The following CRYL1 variants were observed in gnomAD, a reference collection of about 807,000 sequenced individuals.
CRYL1 encodes lambda-crystallin homolog.
CRYL1 carries 29 observed loss-of-function variants against 36.6 expected under a neutral mutation model. The ratio of observed to expected loss-of-function variants is 0.79; its 90% CI spans 0.59 to 1.08. The LOEUF (loss-of-function observed/expected upper bound fraction) is 1.08. Ranked by LOEUF, CRYL1 falls within the 50% of genes least tolerant of loss-of-function variation. The pLI is 0.00. For synonymous variants in CRYL1, 152 were observed against 151.5 expected (o/e 1.00, Z -0.02); for missense variants, 411 against 407.9 (o/e 1.01, Z -0.06).
intron 3 of CRYL1, among the ~76,000 whole-genome samples, chr13:20,463,806 C>T (rs935981649): frequency 1.3e-5 from 2 of 152,152 alleles, no homozygotes; most frequent in African/African-American, 4.8e-5. Context: ...TAAAATGACA[C>T]ATTTTGGACA....
chr13:20,439,621 TGGAC>T lies in CRYL1; in HGVS notation c.406_409del (p.Val136MetfsTer2), dbSNP rs2032310848. The stretch of plus-strand genomic sequence containing the variant: ...ATGAGCCACGATGCATTGCTTCACA[TGGAC>T]CAAGCCAGCAAACAACTTGGAAGGC... On this transcript the variant is annotated frameshift_variant, in exon 4 of 8. Coordinates refer to ENST00000298248, the MANE Select transcript of CRYL1 (RefSeq NM_015974.3). LOFTEE classifies it high-confidence loss of function. 1 of 1,612,310 alleles carries T rather than the reference TGGAC, an allele frequency of 6.2e-7. No individual in the cohort carries two copies. The highest frequency in any genetic ancestry group is 1.3e-5 in the African/African-American group (1 of 74,432).
intron 3 of CRYL1, among the ~76,000 whole-genome samples, chr13:20,486,475 A>C (rs1402371391): frequency 6.7e-6 from 1 of 148,494 alleles, no homozygotes; most frequent in Non-Finnish European, 1.5e-5. Flanking sequence ...CCCACCCCAA[A>C]ATCCACTTGT....
chr13:20,407,800 T>C (rs1309357635), intron 6 of CRYL1, among the ~76,000 whole-genome samples: 1 of 152,256 alleles, frequency 6.6e-6, no homozygotes, highest in African/African-American at 2.4e-5. Context: ...CTTAACTTGC[T>C]GCTTTCTAAC....
At chr13:20,484,176 T>C (rs1211356236) in intron 3 of CRYL1, among the ~76,000 whole-genome samples, 1 of 152,092 alleles carries the variant, frequency 6.6e-6, no homozygotes, top group African/African-American at 2.4e-5. Flanking sequence ...CCTAGATTGA[T>C]TTTTCTACAC....
chr13:20,522,945 TCTCA>T (rs1468658250), intron 1 of CRYL1, among the ~76,000 whole-genome samples: 1 of 114,362 alleles, frequency 8.7e-6, no homozygotes, highest in Non-Finnish European at 1.7e-5. Flanking sequence ...TGAGATGGAG[TCTCA>T]CTCTATCCCC....
chr13:20,470,910 C>CAAAA (rs11353451), intron 3 of CRYL1, among the ~76,000 whole-genome samples: 6 of 40,878 alleles, frequency 1.5e-4, no homozygotes, highest in African/African-American at 4.4e-4. Context: ...AACTCCATCT[C>CAAAA]AAAAAAAAAA....
chr13:20,479,049 T>G (rs916522774), intron 3 of CRYL1, among the ~76,000 whole-genome samples: 2 of 152,060 alleles, frequency 1.3e-5, no homozygotes, highest in Non-Finnish European at 2.9e-5. Flanking sequence ...CCTTTACACC[T>G]GTAAAGGATT....
At chr13:20,507,527 G>C (rs1038155195) in intron 2 of CRYL1, among the ~76,000 whole-genome samples, 13 of 152,198 alleles carry the variant, frequency 8.5e-5, no homozygotes, top group South Asian at 2.1e-4. Flanking sequence ...TTCCCTTGGA[G>C]GTACTCTCCT....
chr13:20,410,084 G>A (rs534596946), intron 6 of CRYL1, among the ~76,000 whole-genome samples: 13 of 152,010 alleles, frequency 8.6e-5, no homozygotes, highest in African/African-American at 2.7e-4. Context: ...ACATGCACAC[G>A]TATGTTTATA....
At chr13:20,448,727 A>G (rs2032505515) in intron 3 of CRYL1, among the ~76,000 whole-genome samples, 1 of 152,232 alleles carries the variant, frequency 6.6e-6, no homozygotes, top group African/African-American at 2.4e-5. Context: ...GTCTTTCACA[A>G]ATGGAGCAGA....
At chr13:20,463,162 T>C (rs2032866309) in intron 3 of CRYL1, among the ~76,000 whole-genome samples, 1 of 152,164 alleles carries the variant, frequency 6.6e-6, no homozygotes, top group Admixed American at 6.5e-5. Context: ...GTGTCGCACC[T>C]ACCAGGCAAC....
intron 2 of CRYL1, among the ~76,000 whole-genome samples, chr13:20,492,815 A>G (rs965049583): frequency 3.3e-5 from 5 of 152,122 alleles, no homozygotes; most frequent in Admixed American, 3.3e-4. Context: ...ATGATATGCA[A>G]TTTGCTCCTG....
intron 5 of CRYL1, chr13:20,430,896 A>C: frequency 1.0e-6 from 1 of 985,386 alleles, no homozygotes; most frequent in Non-Finnish European, 1.2e-6. Context: ...TTCTTTAAAA[A>C]TACCTTGACA....
rs2031633819 is a variant in CRYL1 at position 20,415,366 on chromosome 13, A to AC, written c.634-1980dup. On this transcript the variant is annotated intron_variant, in intron 5 of 7. Transcript: ENST00000298248. The surrounding 1 kb of genome is among the most constrained non-coding windows in gnomAD (Gnocchi z 4.1). ...CGAGAAGCGAGAAAAGGGGTTCGAAACCCCCGCCGTGCCCCGCAACCGGCT... is the reference window on the plus strand; with the variant it reads ...CGAGAAGCGAGAAAAGGGGTTCGAAACCCCCCGCCGTGCCCCGCAACCGGCT... 6.7e-6 allele frequency among the ~76,000 whole-genome samples: 1 copy of AC among 149,232 alleles called. No homozygotes were observed. Among genetic ancestry groups the AC allele is most frequent in the Non-Finnish European group, 1.5e-5 (1 of 67,068 alleles).
chr13:20,458,970 C>T (rs2032742833), intron 3 of CRYL1, among the ~76,000 whole-genome samples: 1 of 152,090 alleles, frequency 6.6e-6, no homozygotes, highest in African/African-American at 2.4e-5. Context: ...AATTCAGCCA[C>T]CACGCCTGTA....
At chr13:20,484,665 C>G (rs1292737849) in intron 3 of CRYL1, among the ~76,000 whole-genome samples, 1 of 151,984 alleles carries the variant, frequency 6.6e-6, no homozygotes, top group Non-Finnish European at 1.5e-5. Flanking sequence ...GCACATCGTA[C>G]AGCAGGAAAT....
chr13:20,434,558 T>C (rs2032162046), intron 4 of CRYL1, among the ~76,000 whole-genome samples: 1 of 150,284 alleles, frequency 6.7e-6, no homozygotes, highest in Admixed American at 6.6e-5. Context: ...GAAAAAAAGC[T>C]GGTCACTCCC....
At chr13:20,477,053 C>G (rs943599128) in intron 3 of CRYL1, 1 of 152,250 alleles carries the variant, frequency 6.6e-6, no homozygotes, top group Non-Finnish European at 1.5e-5. Context: ...CCCAGCTACT[C>G]GGGAGGCTGA....
At chr13:20,494,717 T>C (rs779464207) in intron 2 of CRYL1, among the ~76,000 whole-genome samples, 3 of 152,216 alleles carry the variant, frequency 2.0e-5, no homozygotes, top group East Asian at 1.9e-4. Context: ...CAGGAGTCTC[T>C]TGTTCCTCGA....
Sources: allele counts gnomAD v4.1 joint callset (sites outside exome capture counted in the v4.1 genomes callset), GRCh38; gene constraint gnomAD v4.1.1; non-coding constraint Gnocchi (gnomAD v3.1); transcripts MANE v1.5; gene names NCBI Gene and HGNC (gene_info 2026-07-23, HGNC 2026-07-21).